Variants in DIAPH1 observed in about 807,000 individuals in gnomAD.
The protein encoded by DIAPH1 is protein diaphanous homolog 1.
DIAPH1 carries 46 observed loss-of-function variants against 140.7 expected under a neutral mutation model. The ratio of observed to expected loss-of-function variants is 0.33; its 90% CI spans 0.26 to 0.42. The LOEUF (loss-of-function observed/expected upper bound fraction) is 0.42. Among genes scored for constraint, DIAPH1 ranks in the 10% least tolerant of loss-of-function variants. The probability of loss-of-function intolerance (pLI) is 1.00; values close to 1 mark genes in which losing one functional copy is unlikely to be tolerated. For synonymous variants in DIAPH1, 565 were observed against 551.6 expected (o/e 1.02, Z -0.34); for missense variants, 1,310 against 1,558.7 (o/e 0.84, Z 2.69).
intron 1 of DIAPH1, among the ~76,000 whole-genome samples, chr5:141,610,245 C>A (rs1350372364): frequency 6.6e-6 from 1 of 152,086 alleles, no homozygotes; most frequent in Non-Finnish European, 1.5e-5. Context: ...AATTCTCCTG[C>A]CTCAGCCTCC....
intron 18 of DIAPH1, chr5:141,564,186 A>G (rs1003622931): frequency 6.6e-6 from 1 of 152,262 alleles, no homozygotes; most frequent in Non-Finnish European, 1.5e-5. Flanking sequence ...TACTAGCTGC[A>G]ACAGGACAAG....
intron 27 of DIAPH1, chr5:141,518,999 A>G: frequency 1.3e-6 from 2 of 1,550,622 alleles, no homozygotes; most frequent in Non-Finnish European, 1.7e-6. Flanking sequence ...GAGGTTGTCT[A>G]CCAAGAGGAG....
chr5:141,610,950 A>T (rs1596413041), intron 1 of DIAPH1, among the ~76,000 whole-genome samples: 1 of 151,760 alleles, frequency 6.6e-6, no homozygotes, highest in Non-Finnish European at 1.5e-5. Flanking sequence ...TCAGCCAGGC[A>T]TTGTGGTGCA....
intron 7 of DIAPH1, chr5:141,582,081 A>AAAAAAAAAAAAAAAAAAG (rs2099896861): frequency 2.5e-6 from 1 of 402,512 alleles, no homozygotes; most frequent in African/African-American, 2.1e-5. Flanking sequence ...AAAAAAAAAA[A>AAAAAAAAAAAAAAAAAAG]AAAAAAGAGA....
intron 3 of DIAPH1, among the ~76,000 whole-genome samples, chr5:141,584,985 C>T (rs988522728): frequency 6.6e-6 from 1 of 151,312 alleles, no homozygotes; most frequent in Non-Finnish European, 1.5e-5. Context: ...GACGGAGTCT[C>T]ACTCTGTCAC....
chr5:141,529,293 T>A lies in DIAPH1; in HGVS notation c.2677-20A>T, dbSNP rs1223129666. Reference sequence around the variant, plus strand: ...GAGGTTCTGAAAGACAGAAGAGACATCTCAGCTGGAGGGGAATTCGCTAAC... The same window carrying A: ...GAGGTTCTGAAAGACAGAAGAGACAACTCAGCTGGAGGGGAATTCGCTAAC... On this transcript the variant is annotated intron_variant, in intron 20 of 27. Transcript: ENST00000389054. 6.3e-7 allele frequency: 1 copy of A among 1,597,176 alleles called. No homozygotes were observed. Among genetic ancestry groups the A allele is most frequent in the Non-Finnish European group, 8.6e-7 (1 of 1,164,620 alleles).
chr5:141,557,769 G>C (rs2099892861), intron 18 of DIAPH1: 1 of 152,210 alleles, frequency 6.6e-6, no homozygotes, highest in Non-Finnish European at 1.5e-5. Flanking sequence ...TGCTCCGCTG[G>C]CAAGGACTTG....
At chr5:141,615,290 G>A (rs1240857251) in intron 1 of DIAPH1, among the ~76,000 whole-genome samples, 1 of 151,316 alleles carries the variant, frequency 6.6e-6, no homozygotes, top group Non-Finnish European at 1.5e-5. Context: ...AAAATTAGCT[G>A]GGTGTGGCGG....
intron 18 of DIAPH1, among the ~76,000 whole-genome samples, chr5:141,562,637 A>G (rs1453573406): frequency 6.6e-6 from 1 of 150,946 alleles, no homozygotes; most frequent in Non-Finnish European, 1.5e-5. Flanking sequence ...AAAAAAACAG[A>G]TAACAGAGAA....
chr5:141,573,962 G>A lies in DIAPH1; in HGVS notation c.1888C>T (p.Pro630Ser), dbSNP rs1447041627. 5 of 1,551,360 alleles carry A rather than the reference G, an allele frequency of 3.2e-6. No individual in the cohort carries two copies. The highest frequency in any genetic ancestry group is 4.4e-6 in the Non-Finnish European group (5 of 1,147,462). Residue 630 changes from proline to serine, a missense_variant, in exon 16 of 28, where the codon CCC (proline) becomes TCC (serine). Physicochemically the swap from Pro to Ser is moderately conservative, Grantham distance 74 (BLOSUM62 -1). Transcript: ENST00000389054. Reference sequence around the variant, plus strand: ...GCAGTACCTCCAGGTAAAGAAGGGGGTGAGGAGATGCAAACACCCCCAGGC... The same window carrying A: ...GCAGTACCTCCAGGTAAAGAAGGGGATGAGGAGATGCAAACACCCCCAGGC... Reference protein sequence around the residue: ...PLPGGVCISSPPSLPGGTAIS... With the variant: ...PLPGGVCISSSPSLPGGTAIS...
chr5:141,586,504 T>C (rs1468031927), intron 3 of DIAPH1, among the ~76,000 whole-genome samples: 1 of 152,240 alleles, frequency 6.6e-6, no homozygotes, highest in Non-Finnish European at 1.5e-5. Flanking sequence ...TTATTCGGTG[T>C]TCCTCACTGA....
chr5:141,608,817 G>C (rs1287028091), intron 1 of DIAPH1, among the ~76,000 whole-genome samples: 1 of 152,150 alleles, frequency 6.6e-6, no homozygotes. Context: ...CAAATTTCAG[G>C]AGCACAAACA....
chr5:141,548,892 TAAGTC>T (rs2099891248), intron 18 of DIAPH1, among the ~76,000 whole-genome samples: 1 of 152,186 alleles, frequency 6.6e-6, no homozygotes, highest in Admixed American at 6.5e-5. Flanking sequence ...TAGACTATCA[TAAGTC>T]AAGTATGTAT....
chr5:141,560,727 T>G (rs992912816), intron 18 of DIAPH1: 3 of 387,228 alleles, frequency 7.7e-6, no homozygotes, highest in Non-Finnish European at 1.6e-5. Flanking sequence ...TTCTAAACCA[T>G]TCTCCATAAC....
At chr5:141,523,847 C>A (rs1221430376) in intron 27 of DIAPH1, among the ~76,000 whole-genome samples, 1 of 151,620 alleles carries the variant, frequency 6.6e-6, no homozygotes, top group African/African-American at 2.4e-5. Flanking sequence ...CACACAAATG[C>A]CAACTCAAAT....
At chr5:141,544,724 C>T (rs958755456) in intron 18 of DIAPH1, among the ~76,000 whole-genome samples, 3 of 152,124 alleles carry the variant, frequency 2.0e-5, no homozygotes, top group Admixed American at 6.5e-5. Flanking sequence ...CAAAACCAAA[C>T]AAAACTTATG....
chr5:141,608,873 A>G (rs2099901362), intron 1 of DIAPH1, among the ~76,000 whole-genome samples: 1 of 152,150 alleles, frequency 6.6e-6, no homozygotes, highest in African/African-American at 2.4e-5. Flanking sequence ...TATAAAAAGG[A>G]TAACTATAGA....
chr5:141,573,159 G>C (rs180751943), intron 16 of DIAPH1, among the ~76,000 whole-genome samples: 1 of 151,846 alleles, frequency 6.6e-6, no homozygotes, highest in African/African-American at 2.4e-5. Flanking sequence ...CTGGTGGGCC[G>C]GGCGCGGTGG....
In DIAPH1 at chr5:141,517,028, A is replaced by C. The variant is rs1596330659; in HGVS notation, c.3662-20T>G. The C allele has an allele frequency of 3.1e-6, 5 of 1,613,936 alleles. No individual in the cohort carries two copies. The East Asian group carries it at 1.1e-4, about 36-fold the overall frequency. On this transcript the variant is annotated intron_variant, in intron 27 of 27. Coordinates refer to ENST00000389054, the MANE Select transcript of DIAPH1 (RefSeq NM_005219.5). The stretch of plus-strand genomic sequence containing the variant: ...TGTTGGCTGCAAGAGAAGACGAGAG[A>C]TTCTGTCTATGGAAGGCCTCATTTC...
Sources: allele counts gnomAD v4.1 joint callset (sites outside exome capture counted in the v4.1 genomes callset), GRCh38; gene constraint gnomAD v4.1.1; transcripts MANE v1.5; gene names NCBI Gene and HGNC (gene_info 2026-07-23, HGNC 2026-07-21).